SPOPL: variants seen among roughly 807,000 people sequenced by gnomAD.
The protein encoded by SPOPL is speckle type BTB/POZ protein like.
Under a neutral mutation model 53.8 loss-of-function variants are expected in SPOPL, and 23 were observed. That is an observed-to-expected ratio of 0.43 (90% CI 0.31 to 0.61). The LOEUF (loss-of-function observed/expected upper bound fraction) is 0.61, where lower values mean the gene tolerates loss of function less well. Among genes scored for constraint, SPOPL ranks in the 20% least tolerant of loss-of-function variants. The pLI is 0.12. For missense variants in SPOPL, 442 were observed against 466.9 expected (o/e 0.95, Z 0.49); for synonymous variants, 164 against 149.7 (o/e 1.10, Z -0.70).
chr2:138,509,238 AAC>A (rs1258975351), intron 1 of SPOPL, among the ~76,000 whole-genome samples: 1 of 152,120 alleles, frequency 6.6e-6, no homozygotes, highest in East Asian at 1.9e-4. Flanking sequence ...CCCTTCCCCC[AAC>A]ACACACACTT....
Position 138,568,960 on chromosome 2 carries a change from A to C in SPOPL, c.1059A>C (p.Thr353=), listed in dbSNP as rs756769095. The change falls in exon 11 of 11, where the codon ACA becomes ACC. Residue 353 remains threonine, a synonymous_variant. Transcript: ENST00000280098. ...GCCAAGCAACCGACATAATGGAAAC[A>C]TCAGGGTGGAAGTCCATGATTCAGT... ...NSNQATDIME[T]SGWKSMIQSH... is the part of the protein sequence containing the mutation. The C allele has an allele frequency of 5.6e-6, 9 of 1,614,066 alleles. No individual in the cohort carries two copies. The highest frequency in any genetic ancestry group is 7.6e-6 in the Non-Finnish European group (9 of 1,179,922).
At chr2:138,539,517 T>C (rs1476370061) in intron 1 of SPOPL, among the ~76,000 whole-genome samples, 4 of 152,264 alleles carry the variant, frequency 2.6e-5, no homozygotes, top group African/African-American at 7.2e-5. Flanking sequence ...TGAGCATTTT[T>C]TCATGTGTCT....
At chr2:138,524,309 C>T (rs1684622961) in intron 1 of SPOPL, among the ~76,000 whole-genome samples, 1 of 152,320 alleles carries the variant, frequency 6.6e-6, no homozygotes, top group Non-Finnish European at 1.5e-5. Flanking sequence ...CAGAGGGACC[C>T]TGGGCCCAGC....
intron 1 of SPOPL, among the ~76,000 whole-genome samples, chr2:138,548,666 C>T (rs368617517): frequency 1.8e-4 from 27 of 151,744 alleles, no homozygotes; most frequent in East Asian, 1.5e-3. Flanking sequence ...TGTAAAAATT[C>T]TTCATATATT....
chr2:138,564,773 T>C lies in SPOPL; in HGVS notation c.903T>C (p.Asn301=). Residue 301 remains asparagine, a synonymous_variant, in exon 9 of 11, where the codon AAT becomes AAC. Coordinates refer to ENST00000280098, the MANE Select transcript of SPOPL (RefSeq NM_001001664.3). The stretch of plus-strand genomic sequence containing the variant: ...TGTGTAGTAACCTCTCAGTAGAGAA[T>C]GTTGCAGATACCCTTGTCCTTGCAG... The part of the protein sequence containing the change: ...EALCSNLSVE[N]VADTLVLADL... 1 of 1,614,198 alleles carries C rather than the reference T, an allele frequency of 6.2e-7. No homozygotes were observed. The highest frequency in any genetic ancestry group is 8.5e-7 in the Non-Finnish European group (1 of 1,180,016).
intron 1 of SPOPL, among the ~76,000 whole-genome samples, chr2:138,514,595 A>G (rs2104858738): frequency 6.6e-6 from 1 of 152,214 alleles, no homozygotes; most frequent in South Asian, 2.1e-4. Flanking sequence ...TATCTGTTTT[A>G]CTGTTAATGG....
intron 1 of SPOPL, among the ~76,000 whole-genome samples, chr2:138,508,021 T>C (rs184559769): frequency 6.6e-6 from 1 of 152,318 alleles, no homozygotes; most frequent in Admixed American, 6.5e-5. Flanking sequence ...AAAGCCTTGC[T>C]AAGGATTGGT....
chr2:138,540,226 C>T (rs1415172087), intron 1 of SPOPL, among the ~76,000 whole-genome samples: 1 of 152,162 alleles, frequency 6.6e-6, no homozygotes, highest in Non-Finnish European at 1.5e-5. Context: ...CTTGGCAATG[C>T]AGGCTCTTTT....
intron 5 of SPOPL, among the ~76,000 whole-genome samples, chr2:138,556,394 C>A (rs1049330334): frequency 2.0e-5 from 3 of 152,136 alleles, no homozygotes; most frequent in African/African-American, 7.2e-5. Flanking sequence ...GAAATCATTT[C>A]TGAAATTAAA....
intron 8 of SPOPL, among the ~76,000 whole-genome samples, chr2:138,562,342 A>C (rs1348884120): frequency 6.6e-6 from 1 of 152,198 alleles, no homozygotes; most frequent in Non-Finnish European, 1.5e-5. Context: ...GAACAGAATA[A>C]AGAATATGAA....
intron 7 of SPOPL, 29 bp downstream of exon 7, chr2:138,559,366 A>G: frequency 4.4e-6 from 7 of 1,579,356 alleles, no homozygotes; most frequent in Non-Finnish European, 5.2e-6. Context: ...CTAATATTGA[A>G]TTTATATAAA....
chr2:138,542,391 A>C (rs1365439746), intron 1 of SPOPL, among the ~76,000 whole-genome samples: 2 of 152,166 alleles, frequency 1.3e-5, no homozygotes, highest in South Asian at 4.1e-4. Flanking sequence ...TAGGTCTGTA[A>C]GGACTTGCTT....
chr2:138,565,523 A>G (rs1685641997), intron 10 of SPOPL, among the ~76,000 whole-genome samples: 1 of 152,086 alleles, frequency 6.6e-6, no homozygotes, highest in African/African-American at 2.4e-5. Context: ...ATATCTTTCT[A>G]AGACTGGATC....
intron 10 of SPOPL, among the ~76,000 whole-genome samples, chr2:138,567,782 G>T (rs915078904): frequency 1.3e-5 from 2 of 152,092 alleles, no homozygotes; most frequent in African/African-American, 2.4e-5. Context: ...AAGAAAGTAA[G>T]AAATATTTTG....
At chr2:138,512,758 C>G (rs1435442768) in intron 1 of SPOPL, among the ~76,000 whole-genome samples, 4 of 152,052 alleles carry the variant, frequency 2.6e-5, no homozygotes, top group Non-Finnish European at 5.9e-5. Context: ...TTATTTTGGA[C>G]TCACATTATT....
intron 1 of SPOPL, among the ~76,000 whole-genome samples, chr2:138,528,409 G>A (rs528009407): frequency 2.6e-5 from 4 of 152,210 alleles, no homozygotes; most frequent in South Asian, 2.1e-4. Context: ...ATTTATTGCC[G>A]TTCCTCTGAC....
chr2:138,534,357 T>G (rs1225343864), intron 1 of SPOPL, among the ~76,000 whole-genome samples: 8 of 152,116 alleles, frequency 5.3e-5, no homozygotes, highest in Admixed American at 3.3e-4. Flanking sequence ...AGCATTTACA[T>G]TGTATTAGGT....
chr2:138,550,290 C>A lies in SPOPL; in HGVS notation c.74C>A (p.Thr25Lys). 6.2e-7 allele frequency: 1 copy of A among 1,613,554 alleles called. No homozygotes were observed. The highest frequency in any genetic ancestry group is 1.3e-5 in the African/African-American group (1 of 75,010). ...CCCATAGCAGAAAGCTGGTGTTACA[C>A]ACAGGTACATGCTCTTAAAAATCCC... The part of the protein sequence containing the change: ...TGPIAESWCY[T>K]QVKVVKFSYM... The change falls in exon 2 of 11, where the codon ACA (threonine) becomes AAA (lysine). Residue 25 changes from threonine to lysine, a missense_variant. Coordinates refer to ENST00000280098, the MANE Select transcript of SPOPL (RefSeq NM_001001664.3).
At chr2:138,554,359 C>T in intron 5 of SPOPL, 1 of 790,460 alleles carries the variant, frequency 1.3e-6, no homozygotes, top group Non-Finnish European at 1.7e-6. Flanking sequence ...CATAGGTGGG[C>T]AAAAGGTACT....
Sources: allele counts gnomAD v4.1 joint callset (sites outside exome capture counted in the v4.1 genomes callset), GRCh38; gene constraint gnomAD v4.1.1; transcripts MANE v1.5; gene names NCBI Gene and HGNC (gene_info 2026-07-23, HGNC 2026-07-21).